Variants in CACNA2D3 observed in about 807,000 individuals in gnomAD.
CACNA2D3 encodes the protein voltage-dependent calcium channel subunit alpha-2/delta-3.
A neutral mutation model predicts 160.6 loss-of-function variants in CACNA2D3; 60 were observed. The ratio of observed to expected loss-of-function variants is 0.37; its 90% CI spans 0.30 to 0.46. The LOEUF (loss-of-function observed/expected upper bound fraction) is 0.46. CACNA2D3 is among the 20% of genes least tolerant of loss of function. The probability of loss-of-function intolerance (pLI) is 1.00; values close to 1 mark genes in which losing one functional copy is unlikely to be tolerated. For synonymous variants in CACNA2D3, 558 were observed against 492.9 expected, an observed-to-expected ratio of 1.13 and a Z score of -1.75; for missense variants, 1,205 against 1,365.0, an observed-to-expected ratio of 0.88 and a Z score of 1.85.
intron 9 of CACNA2D3, among the ~76,000 whole-genome samples, chr3:54,590,922 G>A (rs1344908256): frequency 6.6e-6 from 1 of 152,172 alleles, no homozygotes; most frequent in Admixed American, 6.5e-5. Context: ...AGTACTGATT[G>A]TGGTTCACTT....
chr3:54,924,560 T>G (rs909558845), intron 27 of CACNA2D3: 950 of 1,337,746 alleles, frequency 7.1e-4, no homozygotes, highest in Non-Finnish European at 9.1e-4. Context: ...AGAGAACAGA[T>G]GAGATTCATC....
intron 31 of CACNA2D3, among the ~76,000 whole-genome samples, chr3:54,993,202 T>A (rs1553625000): frequency 3.3e-5 from 5 of 152,190 alleles, no homozygotes; most frequent in Non-Finnish European, 1.5e-5. Context: ...TAGAGGCCCC[T>A]GGGGGGCACT....
chr3:54,542,195 G>A (rs948785553), intron 5 of CACNA2D3, among the ~76,000 whole-genome samples: 14 of 151,842 alleles, frequency 9.2e-5, no homozygotes, highest in African/African-American at 3.1e-4. Flanking sequence ...CCGAGTAGCT[G>A]GGATTACAGG....
At chr3:54,918,730 C>G (rs1700742345) in intron 27 of CACNA2D3, 1 of 1,614,024 alleles carries the variant, frequency 6.2e-7, no homozygotes, top group African/African-American at 1.3e-5. Flanking sequence ...CTCAGGAGGC[C>G]TCAGGACCAC....
intron 2 of CACNA2D3, among the ~76,000 whole-genome samples, chr3:54,160,154 T>G (rs1700315724): frequency 6.6e-6 from 1 of 152,212 alleles, no homozygotes; most frequent in Admixed American, 6.5e-5. Context: ...GAGAATATTT[T>G]GGGAACTTTT....
At chr3:54,402,671 C>T (rs1427253204) in intron 4 of CACNA2D3, among the ~76,000 whole-genome samples, 1 of 151,998 alleles carries the variant, frequency 6.6e-6, no homozygotes, top group African/African-American at 2.4e-5. Flanking sequence ...GACAGCAATA[C>T]AATAATAGTA....
At chr3:54,973,461 CAT>C (rs1219147015) in intron 29 of CACNA2D3, among the ~76,000 whole-genome samples, 1 of 152,204 alleles carries the variant, frequency 6.6e-6, no homozygotes, top group Non-Finnish European at 1.5e-5. Context: ...TCGAAAACTT[CAT>C]GATCAAAGTC....
chr3:54,857,050 G>A (rs937701038), intron 17 of CACNA2D3, among the ~76,000 whole-genome samples: 6 of 152,184 alleles, frequency 3.9e-5, no homozygotes, highest in African/African-American at 1.4e-4. Flanking sequence ...CAAAGTGCTA[G>A]GATTACAGGC....
At chr3:54,346,049 A>G (rs200868266) in intron 3 of CACNA2D3, among the ~76,000 whole-genome samples, 1 of 43,408 alleles carries the variant, frequency 2.3e-5, no homozygotes, top group Non-Finnish European at 4.5e-5. Flanking sequence ...AGGAGGGTTG[A>G]AAAACAAAGT....
intron 12 of CACNA2D3, among the ~76,000 whole-genome samples, chr3:54,756,349 G>T (rs561584181): frequency 6.6e-6 from 1 of 152,268 alleles, no homozygotes; most frequent in East Asian, 1.9e-4. Flanking sequence ...AGTCATCTGT[G>T]CCCATATAAA....
At chr3:54,742,945 AAAAG>A (rs1701683796) in intron 11 of CACNA2D3, among the ~76,000 whole-genome samples, 1 of 152,242 alleles carries the variant, frequency 6.6e-6, no homozygotes, top group Admixed American at 6.5e-5. Flanking sequence ...CTTCAGGAGA[AAAAG>A]AAATCATGGG....
At chr3:54,946,599 C>T (rs1850139) in intron 27 of CACNA2D3, among the ~76,000 whole-genome samples, 39,810 of 151,788 alleles carry the variant, frequency 0.26, 5,513 homozygotes, top group African/African-American at 0.35. Context: ...TTCACCAAGG[C>T]CTTGTTGCAA....
intron 27 of CACNA2D3, among the ~76,000 whole-genome samples, chr3:54,953,984 G>A (rs1701820727): frequency 6.6e-6 from 1 of 152,174 alleles, no homozygotes; most frequent in Non-Finnish European, 1.5e-5. Flanking sequence ...CAGATTTCAG[G>A]AGTGCCATCC....
chr3:54,847,425 T>G (rs984138570), intron 17 of CACNA2D3, among the ~76,000 whole-genome samples: 1 of 152,182 alleles, frequency 6.6e-6, no homozygotes, highest in Non-Finnish European at 1.5e-5. Flanking sequence ...CTTTTCCCAT[T>G]CATCAGAATG....
intron 27 of CACNA2D3, among the ~76,000 whole-genome samples, chr3:54,945,445 C>G (rs753279937): frequency 2.0e-5 from 3 of 152,218 alleles, no homozygotes; most frequent in Non-Finnish European, 4.4e-5. Flanking sequence ...AGGCATGTAT[C>G]TCTTTTTCCC....
chr3:54,637,194 C>A (rs1272185037), intron 10 of CACNA2D3, among the ~76,000 whole-genome samples: 1 of 151,910 alleles, frequency 6.6e-6, no homozygotes, highest in Non-Finnish European at 1.5e-5. Context: ...CGAGTGATAA[C>A]AGGCTTTAAC....
chr3:54,942,804 C>T (rs948200492), intron 27 of CACNA2D3, among the ~76,000 whole-genome samples: 2 of 152,058 alleles, frequency 1.3e-5, no homozygotes, highest in African/African-American at 2.4e-5. Context: ...GCGGGTGGAT[C>T]ACAAGGTCAG....
intron 2 of CACNA2D3, among the ~76,000 whole-genome samples, chr3:54,193,570 A>G (rs1576990716): frequency 2.0e-5 from 3 of 152,254 alleles, no homozygotes; most frequent in African/African-American, 7.2e-5. Flanking sequence ...GATTATTTCT[A>G]GTTTCTAGAT....
At chr3:54,734,698 C>G (rs1271856522) in intron 11 of CACNA2D3, among the ~76,000 whole-genome samples, 2 of 152,108 alleles carry the variant, frequency 1.3e-5, no homozygotes, top group Non-Finnish European at 2.9e-5. Context: ...CTTCCAGTTG[C>G]CAGTTATTAC....
Sources: allele counts gnomAD v4.1 joint callset (sites outside exome capture counted in the v4.1 genomes callset), GRCh38; gene constraint gnomAD v4.1.1; transcripts MANE v1.5; gene names NCBI Gene and HGNC (gene_info 2026-07-23, HGNC 2026-07-21).